USH2A: variants seen among roughly 807,000 people sequenced by gnomAD.
The protein encoded by USH2A is Usher syndrome 2A (autosomal recessive, mild).
A neutral mutation model predicts 538.9 loss-of-function variants in USH2A; 443 were observed. The observed-to-expected ratio is 0.82, with a 90% CI of 0.76 to 0.89. The LOEUF (loss-of-function observed/expected upper bound fraction) is 0.89, where lower values mean the gene tolerates loss of function less well. Ranked by LOEUF, USH2A falls within the 40% of genes least tolerant of loss-of-function variation. The probability of loss-of-function intolerance (pLI) is 0.00; values close to 1 mark genes in which losing one functional copy is unlikely to be tolerated. For missense variants in USH2A, 6,633 were observed against 6,324.8 expected (o/e 1.05, Z -1.65); for synonymous variants, 2,413 against 2,273.5 (o/e 1.06, Z -1.75).
intron 21 of USH2A, among the ~76,000 whole-genome samples, chr1:216,160,607 T>TA (rs34060140): frequency 0.021 from 3,089 of 150,616 alleles, 104 homozygotes; most frequent in African/African-American, 0.071. Flanking sequence ...CCTCGTCTCT[T>TA]AAAAAAAAAA....
chr1:215,671,283 G>A lies in USH2A; in HGVS notation c.13822C>T (p.Arg4608Ter), dbSNP rs367674026. The A allele has an allele frequency of 5.0e-6, 8 of 1,613,758 alleles. No homozygotes were observed. The highest frequency in any genetic ancestry group is 1.1e-5 in the South Asian group (1 of 91,070). Residue 4608 changes from arginine to a stop codon, truncating the protein, a stop_gained, in exon 64 of 72, where the codon CGA (arginine) becomes TGA (stop). Transcript: ENST00000307340. LOFTEE classifies it high-confidence loss of function. ...QLKPFHRYEI[R>*]IQACTTLGCA... ...CCCAGGGTGGTGCACGCTTGAATTC[G>A]TATTTCATACCTTCAGGACATAAGG...
chr1:216,212,270 A>T (rs2035256861), intron 15 of USH2A, among the ~76,000 whole-genome samples: 1 of 152,210 alleles, frequency 6.6e-6, no homozygotes. Flanking sequence ...ACTCCACAGC[A>T]TAAATAAATA....
chr1:215,887,786 G>A (rs1460309173), intron 41 of USH2A, among the ~76,000 whole-genome samples: 1 of 152,100 alleles, frequency 6.6e-6, no homozygotes, highest in Non-Finnish European at 1.5e-5. Context: ...AATGCTTTTG[G>A]CAGTAGTACA....
chr1:216,218,990 A>ATG (rs34454018), intron 14 of USH2A, among the ~76,000 whole-genome samples: 6,231 of 150,602 alleles, frequency 0.041, 207 homozygotes, highest in Middle Eastern at 0.15. Flanking sequence ...CTCTCAATGT[A>ATG]TGTGTGTGTG....
intron 14 of USH2A, among the ~76,000 whole-genome samples, chr1:216,217,958 A>T (rs1445552489): frequency 6.6e-6 from 1 of 152,140 alleles, no homozygotes; most frequent in Non-Finnish European, 1.5e-5. Context: ...TTATCTTTTC[A>T]AGTGACTCTC....
intron 64 of USH2A, among the ~76,000 whole-genome samples, chr1:215,656,594 G>A (rs577889384): frequency 2.6e-5 from 4 of 152,204 alleles, no homozygotes; most frequent in South Asian, 2.1e-4. Flanking sequence ...CTGTCTTTAC[G>A]CTTGGAGCAA....
intron 16 of USH2A, 123 bp from the exon 17 acceptor site, chr1:216,200,244 A>T: frequency 9.7e-7 from 1 of 1,033,064 alleles, no homozygotes; most frequent in Non-Finnish European, 1.4e-6. Context: ...TCTTTTGATT[A>T]AGGATACATT....
At chr1:216,388,518 C>A (rs1030814078) in intron 3 of USH2A, among the ~76,000 whole-genome samples, 41 of 152,188 alleles carry the variant, frequency 2.7e-4, no homozygotes, top group African/African-American at 9.4e-4. Context: ...AGGAAAATTA[C>A]AAATACATAA....
chr1:215,690,220 C>T (rs1012049605), intron 61 of USH2A, among the ~76,000 whole-genome samples: 1 of 152,148 alleles, frequency 6.6e-6, no homozygotes, highest in African/African-American at 2.4e-5. Flanking sequence ...TTAGTGCTGG[C>T]CCCACAGAGA....
chr1:215,754,758 T>G (rs1386294550), intron 58 of USH2A, among the ~76,000 whole-genome samples: 1 of 152,236 alleles, frequency 6.6e-6, no homozygotes, highest in Admixed American at 6.5e-5. Flanking sequence ...TTAGGTTGGA[T>G]AAGCTTGCTT....
chr1:215,670,918 G>T, intron 64 of USH2A, 54 bp downstream of exon 64: 3 of 1,567,012 alleles, frequency 1.9e-6, no homozygotes, highest in Non-Finnish European at 2.6e-6. Flanking sequence ...TTACAGGCAG[G>T]TGCTGACGGG....
intron 35 of USH2A, among the ~76,000 whole-genome samples, chr1:215,992,125 A>G (rs900924473): frequency 1.3e-5 from 2 of 152,192 alleles, no homozygotes; most frequent in African/African-American, 4.8e-5. Flanking sequence ...CATAAGACAA[A>G]CTAATAAAAC....
intron 11 of USH2A, among the ~76,000 whole-genome samples, chr1:216,263,200 T>C (rs1032009195): frequency 6.6e-5 from 10 of 152,216 alleles, no homozygotes; most frequent in African/African-American, 2.4e-4. Flanking sequence ...CAAACTTTAA[T>C]AGAAGAACTA....
At position 216,196,662 on chromosome 1, in the gene USH2A, G is replaced by A. The variant is rs759811351; in HGVS notation, c.4142C>T (p.Ser1381Phe). 13 of 1,613,504 alleles carry A rather than the reference G, an allele frequency of 8.1e-6. No homozygotes were observed. The South Asian group carries it at 1.3e-4, about 16-fold the overall frequency. Residue 1381 changes from serine to phenylalanine, a missense_variant, in exon 19 of 72, where the codon TCC (serine) becomes TTC (phenylalanine). Coordinates refer to ENST00000307340, the MANE Select transcript of USH2A (RefSeq NM_206933.4). ...FPLSSYSLNI[S>F]WEKPADNVTR... Reference sequence around the variant, plus strand: ...AACATTATCTGCTGGCTTCTCCCAGGAGATATTGAGAGAGTACGAAGAGAG... The same window carrying A: ...AACATTATCTGCTGGCTTCTCCCAGAAGATATTGAGAGAGTACGAAGAGAG...
chr1:216,229,562 A>G (rs867728285), intron 14 of USH2A, among the ~76,000 whole-genome samples: 8 of 152,062 alleles, frequency 5.3e-5, no homozygotes, highest in Admixed American at 1.3e-4. Flanking sequence ...GGATCTGGTC[A>G]CCTTAGCCTC....
chr1:215,840,718 T>C (rs998370189), intron 46 of USH2A, among the ~76,000 whole-genome samples: 3 of 152,170 alleles, frequency 2.0e-5, no homozygotes, highest in Admixed American at 1.3e-4. Flanking sequence ...TGTTCTCACT[T>C]CTAGGTTGTG....
At chr1:216,211,236 G>A (rs530816537) in intron 15 of USH2A, among the ~76,000 whole-genome samples, 41 of 152,214 alleles carry the variant, frequency 2.7e-4, no homozygotes, top group African/African-American at 8.4e-4. Flanking sequence ...ACCCAAGGAG[G>A]GAGTCATAGG....
intron 35 of USH2A, among the ~76,000 whole-genome samples, chr1:215,975,774 T>G (rs187394879): frequency 9.2e-5 from 14 of 152,196 alleles, no homozygotes; most frequent in Middle Eastern, 3.4e-3. Context: ...GTTCTTTTTG[T>G]GTAGAATTGC....
Position 216,417,802 on chromosome 1 carries a change from C to T in USH2A, c.651+712G>A, listed in dbSNP as rs189986420. ...TCTTTATAATAAATTACCCAGTCTC[C>T]GGTATTTTTTATAGTAGTGGAAGAA... On this transcript the variant is annotated intron_variant, in intron 3 of 71. Transcript: ENST00000307340. Among the ~76,000 whole-genome samples, 714 of 152,060 alleles carry T rather than the reference C, an allele frequency of 4.7e-3. 3 individuals carry two copies. The highest frequency in any genetic ancestry group is 7.2e-3 in the Non-Finnish European group (487 of 67,964).
Sources: gnomAD v4.1 joint callset for allele counts (sites outside exome capture counted in the v4.1 genomes callset) on GRCh38, gnomAD v4.1.1 for gene constraint, MANE v1.5 for transcripts, NCBI Gene and HGNC (gene_info 2026-07-23, HGNC 2026-07-21) for gene names.